KIF26B: variants seen among roughly 807,000 people sequenced by gnomAD.
KIF26B encodes kinesin-like protein KIF26B.
KIF26B carries 63 observed loss-of-function variants against 151.2 expected under a neutral mutation model. The observed-to-expected ratio is 0.42, with a 90% confidence interval of 0.34 to 0.51. The LOEUF is 0.51. Ranked by LOEUF, KIF26B falls within the 20% of genes least tolerant of loss-of-function variation. The probability of loss-of-function intolerance (pLI) is 0.07; values close to 1 mark genes in which losing one functional copy is unlikely to be tolerated. For synonymous variants in KIF26B, 1,357 were observed against 1,262.1 expected (o/e 1.08, Z -1.59); for missense variants, 2,813 against 2,913.6 (o/e 0.97, Z 0.79).
chr1:245,224,999 C>T (rs1669846265), intron 2 of KIF26B, among the ~76,000 whole-genome samples: 1 of 152,186 alleles, frequency 6.6e-6, no homozygotes, highest in Admixed American at 6.5e-5. Context: ...GCTGAGTTTT[C>T]TCTATATTCT....
At chr1:245,328,512 T>C (rs1328603082) in intron 2 of KIF26B, among the ~76,000 whole-genome samples, 3 of 152,232 alleles carry the variant, frequency 2.0e-5, no homozygotes, top group African/African-American at 7.2e-5. Context: ...GTGTATTTGC[T>C]GTAAGCATTG....
intron 4 of KIF26B, 60 bp downstream of exon 4, chr1:245,419,805 C>T (rs140307314): frequency 2.9e-5 from 42 of 1,436,390 alleles, no homozygotes; most frequent in Admixed American, 2.6e-4. Flanking sequence ...TAGCCCCTCA[C>T]GTGGACTAGC....
intron 4 of KIF26B, among the ~76,000 whole-genome samples, chr1:245,419,983 G>A (rs547605924): frequency 2.7e-4 from 41 of 152,258 alleles, no homozygotes; most frequent in Non-Finnish European, 5.4e-4. Flanking sequence ...CCCTCGATGT[G>A]TGCCCGCAGT....
chr1:245,232,619 C>T (rs1375840225), intron 2 of KIF26B, among the ~76,000 whole-genome samples: 2 of 149,852 alleles, frequency 1.3e-5, no homozygotes, highest in African/African-American at 4.9e-5. Context: ...GGTGCGATCT[C>T]AGCTCACCGC....
intron 9 of KIF26B, among the ~76,000 whole-genome samples, chr1:245,624,252 A>G (rs2043698024): frequency 6.6e-6 from 1 of 151,392 alleles, no homozygotes; most frequent in Non-Finnish European, 1.5e-5. Context: ...CTATACTAGA[A>G]CTGGAATCTT....
intron 5 of KIF26B, among the ~76,000 whole-genome samples, chr1:245,583,106 A>C (rs2043191681): frequency 1.3e-5 from 2 of 152,188 alleles, no homozygotes; most frequent in Admixed American, 1.3e-4. Context: ...CCAACCTTCG[A>C]TCTAATTTGT....
chr1:245,181,445 A>G (rs1255190684), intron 2 of KIF26B, among the ~76,000 whole-genome samples: 2 of 151,652 alleles, frequency 1.3e-5, no homozygotes, highest in African/African-American at 2.4e-5. Context: ...TGATCTCATT[A>G]TGGTGTAAAT....
chr1:245,603,578 G>A (rs2043419633), intron 6 of KIF26B, among the ~76,000 whole-genome samples: 1 of 152,108 alleles, frequency 6.6e-6, no homozygotes, highest in African/African-American at 2.4e-5. Flanking sequence ...TTGGGGGTTG[G>A]CTGGCCTTAC....
At chr1:245,642,649 T>C (rs1466214793) in intron 9 of KIF26B, among the ~76,000 whole-genome samples, 2 of 150,972 alleles carry the variant, frequency 1.3e-5, no homozygotes, top group East Asian at 1.9e-4. Flanking sequence ...AGTAAGTCCC[T>C]GCATAGACAG....
intron 10 of KIF26B, among the ~76,000 whole-genome samples, chr1:245,677,673 C>T (rs1361317735): frequency 6.6e-6 from 1 of 152,266 alleles, no homozygotes; most frequent in Non-Finnish European, 1.5e-5. Flanking sequence ...CAGATACCTT[C>T]CCCAGAGGGG....
chr1:245,163,216 A>C (rs1310835876), intron 2 of KIF26B, among the ~76,000 whole-genome samples: 1 of 152,088 alleles, frequency 6.6e-6, no homozygotes, highest in Non-Finnish European at 1.5e-5. Context: ...ATCTCGGCTC[A>C]CTGCAACCTC....
chr1:245,496,083 A>G (rs1019971946), intron 4 of KIF26B, among the ~76,000 whole-genome samples: 1 of 152,260 alleles, frequency 6.6e-6, no homozygotes, highest in African/African-American at 2.4e-5. Flanking sequence ...GTATACGGAT[A>G]GAAAGAAAAT....
intron 2 of KIF26B, among the ~76,000 whole-genome samples, chr1:245,162,235 ACT>A (rs973734441): frequency 8.6e-5 from 13 of 151,078 alleles, no homozygotes; most frequent in African/African-American, 3.2e-4. Context: ...CCTTTTTACC[ACT>A]CTCTGCAGTC....
At chr1:245,188,118 A>C (rs4658722) in intron 2 of KIF26B, among the ~76,000 whole-genome samples, 11 of 151,410 alleles carry the variant, frequency 7.3e-5, no homozygotes, top group African/African-American at 2.7e-4. Flanking sequence ...CATCTCTACT[A>C]AAAATACAAA....
intron 5 of KIF26B, among the ~76,000 whole-genome samples, chr1:245,553,687 T>C (rs9970972): frequency 0.028 from 4,193 of 152,226 alleles, 217 homozygotes; most frequent in African/African-American, 0.095. Context: ...GGAAAAACCA[T>C]GATCCTTTAG....
At chr1:245,204,672 C>CCTTTTTTGTTTTTGTTT (rs1669365943) in intron 2 of KIF26B, among the ~76,000 whole-genome samples, 1 of 152,136 alleles carries the variant, frequency 6.6e-6, no homozygotes, top group East Asian at 1.9e-4. Context: ...CCACGCCTGG[C>CCTTTTTTGTTTTTGTTT]TGTTGTAAGG....
intron 4 of KIF26B, among the ~76,000 whole-genome samples, chr1:245,428,680 C>T (rs985031959): frequency 6.6e-6 from 1 of 152,078 alleles, no homozygotes; most frequent in African/African-American, 2.4e-5. Flanking sequence ...GTTTGCGGCC[C>T]CTTCCCATCT....
chr1:245,684,220 CTTTG>C lies in KIF26B; in HGVS notation c.2259-8_2259-5del, dbSNP rs1275710173. The C allele has an allele frequency of 1.9e-6, 3 of 1,609,282 alleles. No homozygotes were observed. Among genetic ancestry groups the C allele is most frequent in the Admixed American group, 1.7e-5 (1 of 59,902 alleles). On this transcript the variant is annotated splice_polypyrimidine_tract_variant and intron_variant, in intron 10 of 14. Coordinates refer to ENST00000407071, the MANE Select transcript of KIF26B (RefSeq NM_018012.4). The stretch of plus-strand genomic sequence containing the variant: ...ATGGCCGCTAATGCAGCCTAATTCA[CTTTG>C]TTTGGCAGAGAGAGCAAGCTCGCCA...
chr1:245,633,558 A>G (rs2103174015), intron 9 of KIF26B, among the ~76,000 whole-genome samples: 1 of 151,798 alleles, frequency 6.6e-6, no homozygotes, highest in African/African-American at 2.4e-5. Flanking sequence ...GCGTATTCTC[A>G]CGGTGGTAGT....
Sources: allele counts gnomAD v4.1 joint callset (sites outside exome capture counted in the v4.1 genomes callset), GRCh38; gene constraint gnomAD v4.1.1; transcripts MANE v1.5; gene names NCBI Gene and HGNC (gene_info 2026-07-23, HGNC 2026-07-21).